Variants in MSRA observed in about 807,000 individuals in gnomAD.
MSRA encodes the protein mitochondrial peptide methionine sulfoxide reductase.
MSRA carries 54 observed loss-of-function variants against 31.3 expected under a neutral mutation model. That is an observed-to-expected ratio of 1.73 (90% CI 1.39 to 2.17). MSRA has a LOEUF of 2.17. Ranked by LOEUF, MSRA falls within the 30% of genes most tolerant of loss-of-function variation. The pLI is 0.00. For synonymous variants in MSRA, 169 were observed against 116.5 expected, an observed-to-expected ratio of 1.45 and a Z score of -2.90; for missense variants, 507 against 300.9, an observed-to-expected ratio of 1.69 and a Z score of -5.07.
intron 1 of MSRA, among the ~76,000 whole-genome samples, chr8:10,189,098 C>T (rs1315014459): frequency 1.3e-5 from 2 of 152,038 alleles, no homozygotes; most frequent in African/African-American, 2.4e-5. Flanking sequence ...TAAAAATCTC[C>T]CTAGTATTTC....
chr8:10,382,213 T>G (rs1042427073), intron 5 of MSRA, among the ~76,000 whole-genome samples: 32 of 152,174 alleles, frequency 2.1e-4, no homozygotes, highest in African/African-American at 7.5e-4. Context: ...GCTGCTGGCT[T>G]CCCTCTTATG....
At chr8:10,402,850 T>C (rs1356837593) in intron 5 of MSRA, among the ~76,000 whole-genome samples, 1 of 152,224 alleles carries the variant, frequency 6.6e-6, no homozygotes, top group Non-Finnish European at 1.5e-5. Flanking sequence ...AAAATTGTAT[T>C]TTCCCTGTAC....
At chr8:10,093,464 C>T (rs957680353) in intron 1 of MSRA, among the ~76,000 whole-genome samples, 1 of 152,086 alleles carries the variant, frequency 6.6e-6, no homozygotes, top group Non-Finnish European at 1.5e-5. Context: ...TAGCTCTGTT[C>T]TATTCCTTCT....
intron 5 of MSRA, among the ~76,000 whole-genome samples, chr8:10,334,899 A>G (rs1176937741): frequency 1.3e-5 from 2 of 152,106 alleles, no homozygotes; most frequent in Non-Finnish European, 2.9e-5. Flanking sequence ...GCCTCGGCCC[A>G]CGTGATGGCT....
intron 3 of MSRA, among the ~76,000 whole-genome samples, chr8:10,285,239 C>A (rs533875098): frequency 7.9e-4 from 120 of 152,248 alleles, no homozygotes; most frequent in Middle Eastern, 3.4e-3. Context: ...TGACAGCCAC[C>A]CTTCCCAATC....
At chr8:10,155,205 G>A (rs1028448213) in intron 1 of MSRA, among the ~76,000 whole-genome samples, 3 of 152,040 alleles carry the variant, frequency 2.0e-5, no homozygotes, top group Non-Finnish European at 4.4e-5. Context: ...TGTCGGTAGG[G>A]ATATTGATGA....
chr8:10,329,107 C>G (rs369427655), intron 5 of MSRA, among the ~76,000 whole-genome samples: 48 of 152,328 alleles, frequency 3.2e-4, no homozygotes, highest in Middle Eastern at 6.8e-3. Context: ...AAACTGCCTT[C>G]CTCTCACTAC....
At chr8:10,180,273 C>T (rs1386343298) in intron 1 of MSRA, among the ~76,000 whole-genome samples, 1 of 152,196 alleles carries the variant, frequency 6.6e-6, no homozygotes, top group Non-Finnish European at 1.5e-5. Flanking sequence ...GGATACAACT[C>T]AGGACCAACC....
chr8:10,064,380 G>T (rs147810114), intron 1 of MSRA, among the ~76,000 whole-genome samples: 2,564 of 151,844 alleles, frequency 0.017, 27 homozygotes, highest in Non-Finnish European at 0.021. Context: ...TTAAAGGCAT[G>T]GTTTCTTGTA....
chr8:10,096,044 G>A lies in MSRA; in HGVS notation c.142+41386G>A, dbSNP rs201988885. ...ACATCCTTCGGAATGTGTTCAGAACGTAAGTTTTTAGATTTTATTTTATTT... is the reference window on the plus strand; with the variant it reads ...ACATCCTTCGGAATGTGTTCAGAACATAAGTTTTTAGATTTTATTTTATTT... On this transcript the variant is annotated intron_variant, in intron 1 of 5. Transcript: ENST00000317173. 9.7e-6 allele frequency: 14 copies of A among 1,436,508 alleles called. No individual in the cohort carries two copies. In the East Asian group the frequency reaches 1.3e-4, roughly 13 times the overall value. The allele number at this position is 1,436,508 out of a possible 1,614,324, so 89.0% of individuals were successfully genotyped here. A position where few individuals can be genotyped will look rare whatever the true frequency, so the allele number is the denominator to read the frequency against.
intron 3 of MSRA, among the ~76,000 whole-genome samples, chr8:10,246,913 C>A (rs999960571): frequency 6.6e-6 from 1 of 152,168 alleles, no homozygotes; most frequent in Non-Finnish European, 1.5e-5. Flanking sequence ...GGTGTATCCT[C>A]TCAAGTCTTA....
chr8:10,337,046 G>A (rs1417923015), intron 5 of MSRA: 1 of 152,248 alleles, frequency 6.6e-6, no homozygotes, highest in Non-Finnish European at 1.5e-5. Context: ...GCTAATCCAT[G>A]CCTTGTAATA....
At position 10,428,268 on chromosome 8, in the gene MSRA, C is replaced by T. The variant is rs998827154; in HGVS notation, c.664C>T (p.Leu222Phe). The stretch of plus-strand genomic sequence containing the variant: ...CAAGAACCCCAATGGCTACTGCGGC[C>T]TTGGGGGCACCGGCGTGTCCTGCCC... ...LSKNPNGYCG[L>F]GGTGVSCPVG... Residue 222 changes from leucine (L) to phenylalanine (F), a missense_variant, in exon 6 of 6, where the codon CTT (leucine) becomes TTT (phenylalanine). Coordinates refer to ENST00000317173, the MANE Select transcript of MSRA (RefSeq NM_012331.5). The T allele has an allele frequency of 6.2e-7, 1 of 1,614,160 alleles. No individual in the cohort carries two copies. The highest frequency in any genetic ancestry group is 1.3e-5 in the African/African-American group (1 of 75,040).
intron 5 of MSRA, among the ~76,000 whole-genome samples, chr8:10,383,901 C>G (rs10283145): frequency 6.6e-6 from 1 of 151,850 alleles, no homozygotes; most frequent in Non-Finnish European, 1.5e-5. Flanking sequence ...ATATTAGGGA[C>G]GGGAAGAACA....
At chr8:10,311,228 C>G (rs1037822917) in intron 4 of MSRA, among the ~76,000 whole-genome samples, 1 of 152,160 alleles carries the variant, frequency 6.6e-6, no homozygotes, top group Non-Finnish European at 1.5e-5. Context: ...GAATAAAATA[C>G]AACTATATAT....
intron 1 of MSRA, among the ~76,000 whole-genome samples, chr8:10,146,190 G>A (rs1224023655): frequency 6.6e-6 from 1 of 152,196 alleles, no homozygotes; most frequent in African/African-American, 2.4e-5. Flanking sequence ...GATCGTAAAG[G>A]AAGAACCCAT....
At chr8:10,316,558 C>G (rs1462285086) in intron 4 of MSRA, among the ~76,000 whole-genome samples, 1 of 108,688 alleles carries the variant, frequency 9.2e-6, no homozygotes, top group Non-Finnish European at 2.0e-5. Context: ...CTCTCTCTCT[C>G]TCTCTCTCTC....
At chr8:10,255,444 T>G (rs761880097) in intron 3 of MSRA, among the ~76,000 whole-genome samples, 4 of 152,228 alleles carry the variant, frequency 2.6e-5, no homozygotes, top group Non-Finnish European at 5.9e-5. Flanking sequence ...GTTTTCAATT[T>G]CAGCCTGATT....
At chr8:10,221,141 C>T (rs975410865) in intron 2 of MSRA, among the ~76,000 whole-genome samples, 6 of 152,164 alleles carry the variant, frequency 3.9e-5, no homozygotes, top group Middle Eastern at 3.2e-3. Flanking sequence ...AAATGAGAGC[C>T]GCCTTCCCGA....
Sources: gnomAD v4.1 joint callset for allele counts (sites outside exome capture counted in the v4.1 genomes callset) on GRCh38, gnomAD v4.1.1 for gene constraint, MANE v1.5 for transcripts, NCBI Gene and HGNC (gene_info 2026-07-23, HGNC 2026-07-21) for gene names.